Variants in ECHS1 observed in about 807,000 individuals in gnomAD.
ECHS1 encodes enoyl-CoA hydratase, short chain 1, also known as enoyl-CoA hydratase, mitochondrial.
A neutral mutation model predicts 33.5 loss-of-function variants in ECHS1; 19 were observed. That is an observed-to-expected ratio of 0.57 (90% CI 0.40 to 0.83). ECHS1 has a LOEUF of 0.83. Among genes scored for constraint, ECHS1 ranks in the 40% least tolerant of loss-of-function variants. The pLI is 0.00. For synonymous variants in ECHS1, 158 were observed against 146.6 expected (o/e 1.08, Z -0.56); for missense variants, 365 against 381.3 (o/e 0.96, Z 0.36).
intron 4 of ECHS1, among the ~76,000 whole-genome samples, chr10:133,367,987 C>T (rs1005528022): frequency 1.3e-5 from 2 of 152,148 alleles, no homozygotes; most frequent in South Asian, 2.1e-4. Flanking sequence ...AATATCAGTG[C>T]GCCCAGCCAT....
At chr10:133,367,062 G>T in intron 4 of ECHS1, 69 bp from the exon 5 acceptor site, 1 of 1,328,370 alleles carries the variant, frequency 7.5e-7, no homozygotes, top group Non-Finnish European at 1.1e-6. Flanking sequence ...CAGCTGTGCA[G>T]CCAGCAAATT....
At chr10:133,368,635 C>G (rs1045230004) in intron 4 of ECHS1, among the ~76,000 whole-genome samples, 1 of 152,156 alleles carries the variant, frequency 6.6e-6, no homozygotes, top group African/African-American at 2.4e-5. Flanking sequence ...GCCATGGACA[C>G]GAATCACAAG....
chr10:133,370,779 G>A (rs1281090113), intron 1 of ECHS1, 22 bp from the exon 2 acceptor site: 1 of 1,600,028 alleles, frequency 6.2e-7, no homozygotes, highest in Non-Finnish European at 8.5e-7. Context: ...AGGCAAAAAG[G>A]GGTATCTATT....
rs1324648494 is a variant in ECHS1 at position 133,366,065 on chromosome 10, G to A, written c.650C>T (p.Thr217Ile). 2 of 1,613,846 alleles carry A rather than the reference G, an allele frequency of 1.2e-6. No individual in the cohort carries two copies. Among genetic ancestry groups the A allele is most frequent in the Non-Finnish European group, 8.5e-7 (1 of 1,180,014 alleles). Residue 217 changes from threonine to isoleucine, a missense_variant, in exon 6 of 8, where the codon ACA becomes ATA. Transcript: ENST00000368547. ...ACACTGGATGGCTTCTTCCACCAGT[G>A]TCTCAACAGGACAAATCTTGCTGAC... ...GLVSKICPVETLVEEAIQCAE... is the reference protein window; with the variant it reads ...GLVSKICPVEILVEEAIQCAE...
Position 133,373,274 on chromosome 10 carries a change from G to A in ECHS1, c.60C>T (p.Arg20=), listed in dbSNP as rs540787638. The change falls in exon 1 of 8, where the codon CGC becomes CGT. Residue 20 remains arginine, a synonymous_variant. Coordinates refer to ENST00000368547, the MANE Select transcript of ECHS1 (RefSeq NM_004092.4). ...CVRGPLRPPV[R]CPAWRPFASG... ...AGGCGAAGGGACGCCAGGCGGGACA[G>A]CGAACCGGGGGCCTCAGCGGGCCGC... 2.0e-6 allele frequency: 3 copies of A among 1,464,668 alleles called. No individual in the cohort carries two copies. Among genetic ancestry groups the A allele is most frequent in the Admixed American group, 2.5e-5 (1 of 40,346 alleles). The allele number at this position is 1,464,668 out of a possible 1,614,324, so 90.7% of individuals were successfully genotyped here.
intron 1 of ECHS1, among the ~76,000 whole-genome samples, chr10:133,372,831 A>G (rs1211926227): frequency 9.7e-6 from 1 of 102,648 alleles, no homozygotes; most frequent in East Asian, 2.7e-4. Context: ...TGAGCCAGGC[A>G]GGGGCTGCGG....
At position 133,366,114 on chromosome 10, in the gene ECHS1, AGT is replaced by A. The variant is rs757127640; in HGVS notation, c.620-21_620-20del. ...ACAAGACCTGAAACACAAGAAAGTC[AGT>A]GAGTGATGTGCAGAAACAGCACTTG... is the stretch of plus-strand genomic sequence containing the variant. On this transcript the variant is annotated intron_variant, in intron 5 of 7. Transcript: ENST00000368547. The A allele has an allele frequency of 6.2e-7, 1 of 1,611,282 alleles. No individual in the cohort carries two copies. Among genetic ancestry groups the A allele is most frequent in the Admixed American group, 1.7e-5 (1 of 59,998 alleles).
rs1438164330 is a variant in ECHS1 at position 133,362,745 on chromosome 10, A to G, written c.*123T>C. ...GAGGTCGGGCCACGACCACGCAGCAATTGGAGAGGAACTGCACACCACGGA... is the reference window on the plus strand; with the variant it reads ...GAGGTCGGGCCACGACCACGCAGCAGTTGGAGAGGAACTGCACACCACGGA... On this transcript the variant is annotated 3_prime_UTR_variant, in exon 8 of 8. Transcript: ENST00000368547. 3.5e-6 allele frequency: 4 copies of G among 1,136,272 alleles called. No individual in the cohort carries two copies. Among genetic ancestry groups the G allele is most frequent in the Middle Eastern group, 2.2e-4 (1 of 4,514 alleles). 70.4% of individuals were successfully genotyped at this position (1,136,272 alleles called of 1,614,324 possible). A position where few individuals can be genotyped will look rare whatever the true frequency, so the allele number is the denominator to read the frequency against.
In ECHS1 at chr10:133,363,359, A is replaced by G. The variant is rs928361265; in HGVS notation, c.808-426T>C. 4.6e-3 allele frequency among the ~76,000 whole-genome samples: 409 copies of G among 89,150 alleles called. 4 individuals carry two copies. Among genetic ancestry groups the G allele is most frequent in the African/African-American group, 0.012 (392 of 31,904 alleles). The allele number at this position is 89,150 out of a possible 152,430, so 58.5% of individuals were successfully genotyped here. ...TGTCCCCAGGTGTGCGCGCGCGCAC[A>G]CACACACACACACACACACACACAC... is the stretch of plus-strand genomic sequence containing the variant. On this transcript the variant is annotated intron_variant, in intron 7 of 7. Transcript: ENST00000368547.
At position 133,364,737 on chromosome 10, in the gene ECHS1, A is replaced by T; in HGVS notation, c.740-12T>A. On this transcript the variant is annotated splice_polypyrimidine_tract_variant and intron_variant, in intron 6 of 7. Transcript: ENST00000368547. ...TGTCATTTCAAAAGCTGAAAAACAA[A>T]GTCCCAGAGTTATGAACGGAGATAT... The T allele has an allele frequency of 6.2e-7, 1 of 1,610,116 alleles. No individual in the cohort carries two copies. The highest frequency in any genetic ancestry group is 8.5e-7 in the Non-Finnish European group (1 of 1,176,576).
chr10:133,366,906 TG>T lies in ECHS1; in HGVS notation c.601del (p.Gln201ArgfsTer36). 6.2e-7 allele frequency: 1 copy of T among 1,612,002 alleles called. No homozygotes were observed. On this transcript the variant is annotated frameshift_variant, in exon 5 of 8. Transcript: ENST00000368547. LOFTEE classifies it high-confidence loss of function. ...MVLTGDRISA[Q>X]DAKQAGLVSK... is the part of the protein sequence containing the mutation. ...ACCCATACCTGCTTGCTTGGCGTCC[TG>T]GGCTGAGATCCGGTCACCAGTGAGG...
intron 2 of ECHS1, among the ~76,000 whole-genome samples, chr10:133,370,319 G>A (rs1376596025): frequency 2.0e-5 from 3 of 152,260 alleles, no homozygotes; most frequent in African/African-American, 2.4e-5. Flanking sequence ...AAGCCTGACT[G>A]CCAAGGACCT....
At chr10:133,373,217 C>G in intron 1 of ECHS1, 29 bp downstream of exon 1, 1 of 1,402,788 alleles carries the variant, frequency 7.1e-7, no homozygotes, top group Non-Finnish European at 9.2e-7. Context: ...GGAGGAGATT[C>G]GGGCCGCCAG....
chr10:133,373,322 C>T lies in ECHS1; in HGVS notation c.12G>A (p.Leu4=), dbSNP rs764269107. Residue 4 remains leucine (L), a synonymous_variant, in exon 1 of 8, where the codon CTG becomes CTA. Coordinates refer to ENST00000368547, the MANE Select transcript of ECHS1 (RefSeq NM_004092.4). MAA[L]RVLLSCVRGP... is the part of the protein sequence containing the mutation. ...CGCGGACGCAGGACAGCAGGACACG[C>T]AGGGCGGCCATGGCTCTCTGGACTC... The T allele has an allele frequency of 4.0e-6, 6 of 1,502,980 alleles. No individual in the cohort carries two copies. In the African/African-American group the frequency reaches 5.8e-5, roughly 14 times the overall value. 93.1% of individuals were successfully genotyped at this position (1,502,980 alleles called of 1,614,324 possible). A position where few individuals can be genotyped will look rare whatever the true frequency, so the allele number is the denominator to read the frequency against.
intron 3 of ECHS1, among the ~76,000 whole-genome samples, chr10:133,369,528 G>A (rs1041506927): frequency 3.8e-4 from 3 of 7,890 alleles, no homozygotes; most frequent in Admixed American, 5.1e-3. Flanking sequence ...GGCAGGGAGC[G>A]TCATGAAATG....
chr10:133,366,355 T>C (rs910183625), intron 5 of ECHS1, among the ~76,000 whole-genome samples: 1 of 152,250 alleles, frequency 6.6e-6, no homozygotes, highest in African/African-American at 2.4e-5. Flanking sequence ...ACACGGGGAC[T>C]GTGATCACCA....
Position 133,370,759 on chromosome 10 carries a change from T to C in ECHS1, c.89-2A>G, listed in dbSNP as rs2133443370. On this transcript the variant is annotated splice_acceptor_variant, in intron 1 of 7. Coordinates refer to ENST00000368547, the MANE Select transcript of ECHS1 (RefSeq NM_004092.4). LOFTEE classifies it high-confidence loss of function. ...CGATGATGTACTCAAAGTTAGCACCTGGAGCAAGAAGGCAAAAAGGGGTAT... is the reference window on the plus strand; with the variant it reads ...CGATGATGTACTCAAAGTTAGCACCCGGAGCAAGAAGGCAAAAAGGGGTAT... The C allele has an allele frequency of 3.7e-6, 6 of 1,608,252 alleles. No individual in the cohort carries two copies. Among genetic ancestry groups the C allele is most frequent in the Non-Finnish European group, 5.1e-6 (6 of 1,177,560 alleles).
chr10:133,369,872 G>A (rs372823203), intron 3 of ECHS1, 32 bp downstream of exon 3: 15 of 1,610,660 alleles, frequency 9.3e-6, no homozygotes, highest in Middle Eastern at 1.9e-4. Context: ...CTTCAACCAC[G>A]AGAGGAGGAG....
At chr10:133,369,209 G>C (rs1392492289) in intron 3 of ECHS1, among the ~76,000 whole-genome samples, 187 bp from the exon 4 acceptor site, 3 of 152,142 alleles carry the variant, frequency 2.0e-5, no homozygotes, top group Non-Finnish European at 4.4e-5. Context: ...TGTTTACCAG[G>C]GGCTGGCAAA....
Sources: gnomAD v4.1 joint callset for allele counts (sites outside exome capture counted in the v4.1 genomes callset) on GRCh38, gnomAD v4.1.1 for gene constraint, MANE v1.5 for transcripts, NCBI Gene and HGNC (gene_info 2026-07-23, HGNC 2026-07-21) for gene names.